Variants in POLDIP2 observed in about 807,000 individuals in gnomAD.
POLDIP2 encodes the protein DNA polymerase delta interacting protein 2, also known as polymerase delta-interacting protein 2.
POLDIP2 carries 32 observed loss-of-function variants against 52.9 expected under a neutral mutation model. The observed-to-expected ratio is 0.61, with a 90% CI of 0.46 to 0.81. The LOEUF (loss-of-function observed/expected upper bound fraction) is 0.81, where lower values mean the gene tolerates loss of function less well. Ranked by LOEUF, POLDIP2 falls within the 40% of genes least tolerant of loss-of-function variation. The pLI is 0.00. For synonymous variants in POLDIP2, 183 were observed against 183.0 expected (o/e 1.00, Z 0.00); for missense variants, 371 against 477.3 (o/e 0.78, Z 2.07).
intron 4 of POLDIP2, 102 bp downstream of exon 4, chr17:28,353,592 CT>C: frequency 1.3e-6 from 1 of 765,588 alleles, no homozygotes; most frequent in Admixed American, 1.8e-5. Flanking sequence ...GGGACCAAGA[CT>C]GACCTGGGCT....
intron 3 of POLDIP2, among the ~76,000 whole-genome samples, chr17:28,354,042 G>A (rs1597801724): frequency 1.3e-5 from 2 of 152,214 alleles, no homozygotes; most frequent in East Asian, 1.9e-4. Flanking sequence ...AGGGGGCCAT[G>A]TTGAGAAAAT....
intron 1 of POLDIP2, 75 bp from the exon 2 acceptor site, chr17:28,355,951 T>C: frequency 1.7e-6 from 2 of 1,159,644 alleles, no homozygotes; most frequent in Non-Finnish European, 2.5e-6. Context: ...AAAAAGCTCC[T>C]AGGATACTGA....
At chr17:28,349,214 C>T (rs1379081276) in intron 9 of POLDIP2, 52 bp from the exon 10 acceptor site, 131 of 1,364,590 alleles carry the variant, frequency 9.6e-5, no homozygotes, top group Non-Finnish European at 1.3e-4. Context: ...GACATGTTTC[C>T]TGCACCCCAG....
rs1250280636 is a variant in POLDIP2 at position 28,346,957 on chromosome 17, G to A, written c.*1160C>T. ...CATAACTGTAATATTTGGTTGCTCA[G>A]CATAAGTGATGGAAGCAAACACTAA... On this transcript the variant is annotated 3_prime_UTR_variant, in exon 11 of 11. Transcript: ENST00000540200. 1 of 152,208 alleles carries A rather than the reference G, an allele frequency of 6.6e-6. No homozygotes were observed. Among genetic ancestry groups the A allele is most frequent in the Non-Finnish European group, 1.5e-5 (1 of 68,050 alleles). 9.4% of individuals were successfully genotyped at this position (152,208 alleles called of 1,614,324 possible).
At chr17:28,354,219 A>T (rs1282919310) in intron 3 of POLDIP2, among the ~76,000 whole-genome samples, 1 of 152,106 alleles carries the variant, frequency 6.6e-6, no homozygotes, top group Admixed American at 6.5e-5. Flanking sequence ...AATCAAGAAG[A>T]CTTGTCCCCC....
intron 2 of POLDIP2, among the ~76,000 whole-genome samples, 184 bp downstream of exon 2, chr17:28,355,611 A>AAAAATAAATAAAT (rs1193678256): frequency 6.6e-6 from 1 of 152,160 alleles, no homozygotes; most frequent in Non-Finnish European, 1.5e-5. Context: ...CCGTCTCACA[A>AAAAATAAATAAAT]AAAATAAATA....
intron 4 of POLDIP2, among the ~76,000 whole-genome samples, 156 bp downstream of exon 4, chr17:28,353,539 G>A (rs560958036): frequency 3.3e-4 from 15 of 46,130 alleles, no homozygotes; most frequent in Non-Finnish European, 1.6e-4. Flanking sequence ...AAAAAAAGAC[G>A]TGAATCAGGG....
At chr17:28,355,085 A>G (rs1907962671) in intron 2 of POLDIP2, among the ~76,000 whole-genome samples, 1 of 152,256 alleles carries the variant, frequency 6.6e-6, no homozygotes, top group South Asian at 2.1e-4. Flanking sequence ...CCACACATCC[A>G]GAGTTTACCA....
In POLDIP2 at chr17:28,349,156, C is replaced by T. The variant is rs1291623723; in HGVS notation, c.919G>A (p.Val307Met). The change falls in exon 10 of 11, where the codon GTG (valine) becomes ATG (methionine). Residue 307 changes from valine (V) to methionine (M), a missense_variant. Transcript: ENST00000540200. The part of the protein sequence containing the change: ...RGRGVVGREP[V>M]LSKEQPAFQY... ...AACGCAGGCTGCTCCTTGGATAACA[C>T]TGGTTCCTGTAAAGGTTTAGGCAAA... is the stretch of plus-strand genomic sequence containing the variant. The T allele has an allele frequency of 6.2e-7, 1 of 1,612,702 alleles. No homozygotes were observed. The highest frequency in any genetic ancestry group is 1.3e-5 in the African/African-American group (1 of 74,910).
rs561017552 is a variant in POLDIP2, at chr17:28,352,879, C to T, written c.622+33G>A. On this transcript the variant is annotated intron_variant, in intron 6 of 10. Coordinates refer to ENST00000540200, the MANE Select transcript of POLDIP2 (RefSeq NM_015584.5). Reference sequence around the variant, plus strand: ...TGATATTCTTTGATGAAAAGGCCCTCCCATTCCACCTCCCCTTCTTGAGAG... The same window carrying T: ...TGATATTCTTTGATGAAAAGGCCCTTCCATTCCACCTCCCCTTCTTGAGAG... 2.9e-6 allele frequency: 4 copies of T among 1,364,434 alleles called. No individual in the cohort carries two copies. In the South Asian group the frequency reaches 4.8e-5, roughly 16 times the overall value. The allele number at this position is 1,364,434 out of a possible 1,614,324, so 84.5% of individuals were successfully genotyped here.
chr17:28,351,794 G>C lies in POLDIP2; in HGVS notation c.629C>G (p.Pro210Arg), dbSNP rs960777269. ...FLLYDQTKAP[P>R]FVARETLRAW... is the part of the protein sequence containing the mutation. ...CCTTAGCGTCTCCCGAGCCACAAAA[G>C]GAGGTGCTGGGGCAAGATACAATTG... The change falls in exon 7 of 11, where the codon CCT (proline) becomes CGT (arginine). Residue 210 changes from proline (P) to arginine (R), a missense_variant. Pro to Arg is a moderately radical substitution (Grantham distance 103). Coordinates refer to ENST00000540200, the MANE Select transcript of POLDIP2 (RefSeq NM_015584.5). The C allele has an allele frequency of 6.2e-7, 1 of 1,613,700 alleles. No homozygotes were observed. The highest frequency in any genetic ancestry group is 8.5e-7 in the Non-Finnish European group (1 of 1,179,664).
intron 1 of POLDIP2, 126 bp downstream of exon 1, chr17:28,357,162 G>T: frequency 1.1e-6 from 1 of 929,234 alleles, no homozygotes; most frequent in Non-Finnish European, 1.5e-6. Context: ...CCCTGCTCGG[G>T]ACCCTCTCCC....
At position 28,347,748 on chromosome 17, in the gene POLDIP2, G is replaced by A. The variant is rs1907636037; in HGVS notation, c.*369C>T. ...GCAGTCAAGGGCGCACACTGGGTCA[G>A]AAGGGGAGCCTGAGACTCTGGGAGC... On this transcript the variant is annotated 3_prime_UTR_variant, in exon 11 of 11. Transcript: ENST00000540200. 5.4e-6 allele frequency: 1 copy of A among 184,586 alleles called. No individual in the cohort carries two copies. Among genetic ancestry groups the A allele is most frequent in the African/African-American group, 2.4e-5 (1 of 42,106 alleles). 11.4% of individuals were successfully genotyped at this position (184,586 alleles called of 1,614,324 possible).
At chr17:28,353,126 A>G in intron 5 of POLDIP2, 107 bp from the exon 6 acceptor site, 7 of 751,304 alleles carry the variant, frequency 9.3e-6, no homozygotes, top group South Asian at 5.8e-5. Context: ...TAACCCTGAT[A>G]TCATACCTCT....
chr17:28,348,295 GC>G, intron 10 of POLDIP2, 64 bp from the exon 11 acceptor site: 1 of 1,034,944 alleles, frequency 9.7e-7, no homozygotes, highest in Non-Finnish European at 1.5e-6. Flanking sequence ...GATCTGGATG[GC>G]CCCATGCCCT....
At chr17:28,349,466 A>G (rs1555579534) in intron 9 of POLDIP2, among the ~76,000 whole-genome samples, 1 of 149,418 alleles carries the variant, frequency 6.7e-6, no homozygotes, top group East Asian at 1.9e-4. Flanking sequence ...CCACAAAAAA[A>G]AAAAAAAAAA....
rs782605807 is a variant in POLDIP2 at position 28,354,580 on chromosome 17, G to A, written c.249C>T (p.Phe83=). 37 of 1,554,470 alleles carry A rather than the reference G, an allele frequency of 2.4e-5. No individual in the cohort carries two copies. Among genetic ancestry groups the A allele is most frequent in the African/African-American group, 2.7e-5 (2 of 73,218 alleles). ...QNGKYETGQL[F]LHSIFGYRGV... is the part of the protein sequence containing the mutation. ...CTCGGTAGCCAAAAATGCTATGAAG[G>A]AAAAGCTGGAAGGAAAGAGGGGCCT... The change falls in exon 3 of 11, where the codon TTC becomes TTT. Residue 83 remains phenylalanine, a synonymous_variant. Coordinates refer to ENST00000540200, the MANE Select transcript of POLDIP2 (RefSeq NM_015584.5).
rs1398287638 is a variant in POLDIP2 at position 28,357,325 on chromosome 17, C to T, written c.124G>A (p.Ala42Thr). 2.5e-6 allele frequency: 4 copies of T among 1,579,744 alleles called. No individual in the cohort carries two copies. The African/African-American group carries it at 4.1e-5, about 16-fold the overall frequency. ...TGCCTCCGCGTCGTCGTGGTCGACG[C>T]TGGCGAGAAGGCTCCAGCTCCGGCC... is the stretch of plus-strand genomic sequence containing the variant. ...AAAGAGAFSPASTTTTRRHLS... is the reference protein window; with the variant it reads ...AAAGAGAFSPTSTTTTRRHLS... The change falls in exon 1 of 11, where the codon GCG becomes ACG. Residue 42 changes from alanine (A) to threonine (T), a missense_variant. Coordinates refer to ENST00000540200, the MANE Select transcript of POLDIP2 (RefSeq NM_015584.5).
At chr17:28,350,721 A>G in intron 8 of POLDIP2, 45 bp downstream of exon 8, 1 of 1,587,620 alleles carries the variant, frequency 6.3e-7, no homozygotes, top group Non-Finnish European at 8.6e-7. Flanking sequence ...CCTGACCCCC[A>G]GGCACACCCC....
Sources: allele counts gnomAD v4.1 joint callset (sites outside exome capture counted in the v4.1 genomes callset), GRCh38; gene constraint gnomAD v4.1.1; transcripts MANE v1.5; gene names NCBI Gene and HGNC (gene_info 2026-07-23, HGNC 2026-07-21).